KANK1: variants seen among roughly 807,000 people sequenced by gnomAD.
KANK1 encodes the protein KN motif and ankyrin repeat domain-containing protein 1.
A neutral mutation model predicts 106.2 loss-of-function variants in KANK1; 109 were observed. The ratio of observed to expected loss-of-function variants is 1.03; its 90% confidence interval spans 0.88 to 1.20. The LOEUF (loss-of-function observed/expected upper bound fraction) is 1.20. KANK1 is among the 50% of genes most tolerant of loss of function. The pLI is 0.00. For synonymous variants in KANK1, 873 were observed against 652.2 expected, an observed-to-expected ratio of 1.34 and a Z score of -5.16; for missense variants, 2,399 against 1,710.7, an observed-to-expected ratio of 1.40 and a Z score of -7.10.
At chr9:714,622 T>C (rs1383821261) in intron 3 of KANK1, among the ~76,000 whole-genome samples, 1 of 152,124 alleles carries the variant, frequency 6.6e-6, no homozygotes, top group African/African-American at 2.4e-5. Context: ...CCTCCCAAAG[T>C]GCTGGGATTA....
intron 1 of KANK1, among the ~76,000 whole-genome samples, chr9:582,985 A>AT (rs536406777): frequency 9.9e-5 from 15 of 152,154 alleles, no homozygotes; most frequent in South Asian, 2.1e-4. Context: ...AGCCAAAAAT[A>AT]TTTTTTTTGA....
chr9:648,657 C>T (rs964671462), intron 1 of KANK1, among the ~76,000 whole-genome samples: 2 of 152,148 alleles, frequency 1.3e-5, no homozygotes, highest in African/African-American at 2.4e-5. Context: ...GTAATAAGTG[C>T]GGTTGCAGAA....
intron 1 of KANK1, among the ~76,000 whole-genome samples, chr9:607,116 C>T (rs1346666986): frequency 6.6e-6 from 1 of 151,780 alleles, no homozygotes; most frequent in African/African-American, 2.4e-5. Flanking sequence ...TTTCACCTTC[C>T]TCAATTCCTT....
At chr9:583,613 C>T (rs906730500) in intron 1 of KANK1, among the ~76,000 whole-genome samples, 1 of 151,484 alleles carries the variant, frequency 6.6e-6, no homozygotes, top group East Asian at 1.9e-4. Flanking sequence ...GATTTTGTTC[C>T]TTGTAGGCAA....
chr9:544,713 G>A (rs1263158085), intron 1 of KANK1, among the ~76,000 whole-genome samples: 1 of 151,670 alleles, frequency 6.6e-6, no homozygotes, highest in Non-Finnish European at 1.5e-5. Flanking sequence ...CCTGTTGGGT[G>A]AGGTGGAGTT....
At chr9:638,934 A>T (rs77748455) in intron 1 of KANK1, among the ~76,000 whole-genome samples, 1 of 152,188 alleles carries the variant, frequency 6.6e-6, no homozygotes, top group African/African-American at 2.4e-5. Flanking sequence ...TGGCTGAGCA[A>T]GTGGATTTGA....
At chr9:627,420 A>T (rs62530062) in intron 1 of KANK1, among the ~76,000 whole-genome samples, 1 of 151,854 alleles carries the variant, frequency 6.6e-6, no homozygotes, top group Non-Finnish European at 1.5e-5. Context: ...CTCCCACTGG[A>T]AGCATTGTGC....
intron 1 of KANK1, among the ~76,000 whole-genome samples, chr9:612,339 G>T (rs1437109088): frequency 6.6e-6 from 1 of 152,158 alleles, no homozygotes; most frequent in Non-Finnish European, 1.5e-5. Flanking sequence ...AGATGTCCCA[G>T]TGATGCACTC....
At chr9:507,374 C>G (rs2058809661) in intron 1 of KANK1, among the ~76,000 whole-genome samples, 1 of 151,866 alleles carries the variant, frequency 6.6e-6, no homozygotes, top group Admixed American at 6.6e-5. Flanking sequence ...TGAGCTGTAC[C>G]ATAGGTATAC....
chr9:536,110 G>A (rs1262650600), intron 1 of KANK1, among the ~76,000 whole-genome samples: 2 of 152,086 alleles, frequency 1.3e-5, no homozygotes, highest in African/African-American at 2.4e-5. Flanking sequence ...GGCTGAGGTG[G>A]GCGGATCACT....
intron 1 of KANK1, among the ~76,000 whole-genome samples, chr9:585,656 G>A (rs984573115): frequency 2.0e-5 from 3 of 152,206 alleles, no homozygotes; most frequent in Non-Finnish European, 2.9e-5. Context: ...GAACATGGAA[G>A]AGTAGACAAT....
At chr9:723,927 A>G (rs1210908647) in intron 3 of KANK1, among the ~76,000 whole-genome samples, 1 of 127,032 alleles carries the variant, frequency 7.9e-6, no homozygotes, top group Non-Finnish European at 1.7e-5. Flanking sequence ...ACCCATCTCT[A>G]TTAAAAATAC....
At chr9:608,025 A>AT (rs200257324) in intron 1 of KANK1, among the ~76,000 whole-genome samples, 8 of 78,164 alleles carry the variant, frequency 1.0e-4, no homozygotes, top group African/African-American at 2.1e-4. Context: ...TATTATTATT[A>AT]TTATTATTAT....
At position 579,874 on chromosome 9, in the gene KANK1, A is replaced by T. The variant is rs149703305; in HGVS notation, c.-84+75120A>T. Among the ~76,000 whole-genome samples the T allele has an allele frequency of 1.2e-4, 19 of 152,302 alleles. 1 individual carries two copies. The East Asian group carries it at 3.5e-3, about 28-fold the overall frequency. On this transcript the variant is annotated intron_variant, in intron 1 of 11. Transcript: ENST00000382297. Reference sequence around the variant, plus strand: ...GGACCTGAAAAACCTCAGGCCAGACAGTGAATCAGTCCTGGATTGTGCTGA... The same window carrying T: ...GGACCTGAAAAACCTCAGGCCAGACTGTGAATCAGTCCTGGATTGTGCTGA...
intron 1 of KANK1, among the ~76,000 whole-genome samples, chr9:533,908 A>G (rs370995033): frequency 5.8e-4 from 89 of 152,330 alleles, no homozygotes; most frequent in African/African-American, 2.0e-3. Context: ...ACCACCAGGC[A>G]CATTATCTTT....
At chr9:505,802 G>C (rs1461084263) in intron 1 of KANK1, among the ~76,000 whole-genome samples, 3 of 152,208 alleles carry the variant, frequency 2.0e-5, no homozygotes, top group South Asian at 2.1e-4. Flanking sequence ...TAATCATCCA[G>C]ATGTGTAATC....
At chr9:695,785 T>G (rs1279910088) in intron 2 of KANK1, among the ~76,000 whole-genome samples, 1 of 152,096 alleles carries the variant, frequency 6.6e-6, no homozygotes, top group Non-Finnish European at 1.5e-5. Flanking sequence ...TCTCAAACAA[T>G]TGGAATATAG....
chr9:627,251 C>T (rs978703414), intron 1 of KANK1, among the ~76,000 whole-genome samples: 37 of 152,086 alleles, frequency 2.4e-4, no homozygotes, highest in African/African-American at 8.7e-4. Context: ...TGGAAGAACC[C>T]CAGTCTCCAT....
intron 1 of KANK1, among the ~76,000 whole-genome samples, chr9:639,866 A>G (rs1588483556): frequency 6.6e-6 from 1 of 152,194 alleles, no homozygotes; most frequent in African/African-American, 2.4e-5. Context: ...ATGTCCTTAC[A>G]TGGCAGATGG....
Sources: allele counts gnomAD v4.1 joint callset (sites outside exome capture counted in the v4.1 genomes callset), GRCh38; gene constraint gnomAD v4.1.1; transcripts MANE v1.5; gene names NCBI Gene and HGNC (gene_info 2026-07-23, HGNC 2026-07-21).